The following PCDH9 variants were observed in gnomAD, a reference collection of about 807,000 sequenced individuals.
PCDH9 encodes protocadherin-9.
A neutral mutation model predicts 70.6 loss-of-function variants in PCDH9; 24 were observed. That is an observed-to-expected ratio of 0.34 (90% CI 0.25 to 0.48). The LOEUF (loss-of-function observed/expected upper bound fraction) is 0.48. Ranked by LOEUF, PCDH9 falls within the 20% of genes least tolerant of loss-of-function variation. PCDH9 has a pLI of 0.99. For missense variants in PCDH9, 1,281 were observed against 1,503.6 expected, an observed-to-expected ratio of 0.85 and a Z score of 2.45; for synonymous variants, 562 against 558.5, an observed-to-expected ratio of 1.01 and a Z score of -0.09.
chr13:67,219,227 T>C (rs2089672274), intron 2 of PCDH9: 1 of 151,998 alleles, frequency 6.6e-6, no homozygotes, highest in South Asian at 2.1e-4. Context: ...ATTTAATGAG[T>C]CTTGGCTTAC....
intron 2 of PCDH9, among the ~76,000 whole-genome samples, chr13:66,942,546 C>G (rs865803087): frequency 6.6e-6 from 1 of 151,908 alleles, no homozygotes; most frequent in Non-Finnish European, 1.5e-5. Context: ...AAAATTAAGG[C>G]TCAAAAATTC....
chr13:66,909,278 C>T (rs973819650), intron 2 of PCDH9, among the ~76,000 whole-genome samples: 4 of 151,596 alleles, frequency 2.6e-5, no homozygotes, highest in African/African-American at 9.7e-5. Context: ...ACTACAAAAC[C>T]CTGATTAAAA....
At chr13:66,748,038 C>T (rs949894690) in intron 3 of PCDH9, among the ~76,000 whole-genome samples, 1 of 152,078 alleles carries the variant, frequency 6.6e-6, no homozygotes, top group Non-Finnish European at 1.5e-5. Context: ...ATTCATTAGA[C>T]CTTCATATTT....
chr13:66,600,274 A>G (rs1247449246), intron 4 of PCDH9, among the ~76,000 whole-genome samples: 3 of 151,910 alleles, frequency 2.0e-5, no homozygotes, highest in Non-Finnish European at 4.4e-5. Flanking sequence ...CATGATCAGA[A>G]CCATAGCTGC....
At chr13:66,626,081 T>G (rs1268681271) in intron 4 of PCDH9, among the ~76,000 whole-genome samples, 2 of 152,052 alleles carry the variant, frequency 1.3e-5, no homozygotes, top group Non-Finnish European at 2.9e-5. Context: ...TTCTTGTTGC[T>G]GAGGCAAAAA....
chr13:66,700,955 T>A (rs1165875114), intron 3 of PCDH9, among the ~76,000 whole-genome samples: 2 of 133,866 alleles, frequency 1.5e-5, no homozygotes, highest in Non-Finnish European at 3.2e-5. Flanking sequence ...TATATATATA[T>A]ATATATATAT....
rs940898993 is a variant in PCDH9 at position 66,755,452 on chromosome 13, A to C, written c.3139-124041T>G. On this transcript the variant is annotated intron_variant, in intron 3 of 4. Coordinates refer to ENST00000377865, the MANE Select transcript of PCDH9 (RefSeq NM_203487.3). Reference sequence around the variant, plus strand: ...AGCAGTGGCGCTGCAAATTAAATTGAGTATTCCCTGACATTAAATTCATTA... The same window carrying C: ...AGCAGTGGCGCTGCAAATTAAATTGCGTATTCCCTGACATTAAATTCATTA... Among the ~76,000 whole-genome samples, 5 of 152,190 alleles carry C rather than the reference A, an allele frequency of 3.3e-5. No individual in the cohort carries two copies. In the South Asian group the frequency reaches 8.3e-4, roughly 25 times the overall value.
chr13:66,345,896 C>G (rs1956205362), intron 4 of PCDH9, among the ~76,000 whole-genome samples: 1 of 152,116 alleles, frequency 6.6e-6, no homozygotes, highest in Admixed American at 6.6e-5. Flanking sequence ...GGAAAAGACC[C>G]CAGTGAGCAA....
At chr13:66,439,558 CAAAT>C (rs748214883) in intron 4 of PCDH9, among the ~76,000 whole-genome samples, 1 of 152,036 alleles carries the variant, frequency 6.6e-6, no homozygotes, top group Admixed American at 6.6e-5. Flanking sequence ...CAAATGCATA[CAAAT>C]AAATAAATAA....
intron 3 of PCDH9, among the ~76,000 whole-genome samples, chr13:66,763,864 T>A (rs1021728128): frequency 1.3e-5 from 2 of 152,012 alleles, no homozygotes; most frequent in African/African-American, 2.4e-5. Context: ...AGTGGCACAA[T>A]CTCAGCTCAC....
chr13:67,157,279 G>A (rs550724565), intron 2 of PCDH9, among the ~76,000 whole-genome samples: 8 of 151,998 alleles, frequency 5.3e-5, no homozygotes, highest in South Asian at 2.1e-4. Context: ...TATCACTATC[G>A]GGATTTATGT....
At chr13:66,511,665 T>C (rs536730258) in intron 4 of PCDH9, among the ~76,000 whole-genome samples, 1 of 152,248 alleles carries the variant, frequency 6.6e-6, no homozygotes, top group African/African-American at 2.4e-5. Flanking sequence ...CTCAGGAATA[T>C]TTTAGTACCT....
intron 4 of PCDH9, among the ~76,000 whole-genome samples, chr13:66,441,825 A>G (rs1478252098): frequency 1.3e-5 from 2 of 152,116 alleles, no homozygotes; most frequent in Non-Finnish European, 2.9e-5. Context: ...AAAATTGTGC[A>G]TTTTTATGAC....
intron 4 of PCDH9, among the ~76,000 whole-genome samples, chr13:66,472,024 A>G (rs1958628178): frequency 6.6e-6 from 1 of 152,026 alleles, no homozygotes; most frequent in Non-Finnish European, 1.5e-5. Context: ...GAGCTTGGTC[A>G]TCATGGTGAA....
intron 4 of PCDH9, among the ~76,000 whole-genome samples, chr13:66,627,096 T>C (rs1401891474): frequency 1.3e-5 from 2 of 152,238 alleles, no homozygotes; most frequent in East Asian, 3.9e-4. Flanking sequence ...AAATAGTTAC[T>C]ATAGAAATTA....
chr13:66,306,525 A>G (rs1955469097), intron 4 of PCDH9, among the ~76,000 whole-genome samples: 1 of 151,496 alleles, frequency 6.6e-6, no homozygotes. Context: ...TTGTACCCCA[A>G]AAACTATTGA....
At chr13:66,972,955 C>T (rs868521709) in intron 2 of PCDH9, among the ~76,000 whole-genome samples, 2 of 151,944 alleles carry the variant, frequency 1.3e-5, no homozygotes, top group African/African-American at 4.8e-5. Context: ...TAAATTCATC[C>T]GGTATCAGAT....
At chr13:66,932,610 G>GA (rs1247812433) in intron 2 of PCDH9, among the ~76,000 whole-genome samples, 6 of 141,742 alleles carry the variant, frequency 4.2e-5, no homozygotes, top group East Asian at 2.1e-4. Flanking sequence ...AAGTTTGGGG[G>GA]AAAAAAAAAC....
chr13:66,381,719 A>C (rs1956851554), intron 4 of PCDH9, among the ~76,000 whole-genome samples: 1 of 152,322 alleles, frequency 6.6e-6, no homozygotes, highest in Admixed American at 6.5e-5. Flanking sequence ...AATGATTTTT[A>C]TTACAAAAAA....
Sources: gnomAD v4.1 joint callset for allele counts (sites outside exome capture counted in the v4.1 genomes callset) on GRCh38, gnomAD v4.1.1 for gene constraint, MANE v1.5 for transcripts, NCBI Gene and HGNC (gene_info 2026-07-23, HGNC 2026-07-21) for gene names.